The following CACNB4 variants were observed in gnomAD, a reference collection of about 807,000 sequenced individuals.
CACNB4 encodes the protein calcium voltage-gated channel auxiliary subunit beta 4.
Under a neutral mutation model 71.2 loss-of-function variants are expected in CACNB4, and 32 were observed. The ratio of observed to expected loss-of-function variants is 0.45; its 90% CI spans 0.34 to 0.60. The LOEUF (loss-of-function observed/expected upper bound fraction) is 0.60, where lower values mean the gene tolerates loss of function less well. Ranked by LOEUF, CACNB4 falls within the 20% of genes least tolerant of loss-of-function variation. CACNB4 has a pLI of 0.01. For synonymous variants in CACNB4, 231 were observed against 236.9 expected, an observed-to-expected ratio of 0.97 and a Z score of 0.23; for missense variants, 464 against 647.9, an observed-to-expected ratio of 0.72 and a Z score of 3.08.
At chr2:152,007,874 T>G (rs1682821603) in intron 2 of CACNB4, among the ~76,000 whole-genome samples, 1 of 151,870 alleles carries the variant, frequency 6.6e-6, no homozygotes, top group Non-Finnish European at 1.5e-5. Context: ...CGGGTTCAAG[T>G]GGTTCTGCTG....
intron 2 of CACNB4, among the ~76,000 whole-genome samples, chr2:151,895,643 A>G (rs2099851867): frequency 1.3e-5 from 2 of 152,120 alleles, no homozygotes; most frequent in African/African-American, 4.8e-5. Context: ...ATACCTATAT[A>G]TATTTGTACA....
chr2:151,852,646 A>G (rs1433048084), intron 12 of CACNB4: 1 of 152,260 alleles, frequency 6.6e-6, no homozygotes, highest in Non-Finnish European at 1.5e-5. Context: ...CTGGCTCCAG[A>G]GTCTGTGCTT....
In CACNB4 at chr2:151,954,164, A is replaced by G. The variant is rs115883611; in HGVS notation, c.148-70794T>C. Among the ~76,000 whole-genome samples, 613 of 152,278 alleles carry G rather than the reference A, an allele frequency of 4.0e-3. 8 individuals are homozygous for G. The highest frequency in any genetic ancestry group is 0.014 in the African/African-American group (589 of 41,544). On this transcript the variant is annotated intron_variant, in intron 2 of 13. Coordinates refer to ENST00000539935, the MANE Select transcript of CACNB4 (RefSeq NM_000726.5). ...GAAGCAACAACCGCAGCTTCACTAT[A>G]ATGTACACTCTGCCTCTCCAACCTT... is the stretch of plus-strand genomic sequence containing the variant.
At chr2:151,899,809 T>C (rs1368362255) in intron 2 of CACNB4, among the ~76,000 whole-genome samples, 1 of 152,154 alleles carries the variant, frequency 6.6e-6, no homozygotes, top group Non-Finnish European at 1.5e-5. Context: ...AAAATTAGTA[T>C]GTATGAGGCC....
chr2:152,044,371 T>C (rs2709769), intron 2 of CACNB4, among the ~76,000 whole-genome samples: 107,572 of 151,954 alleles, frequency 0.71, 38,299 homozygotes, highest in East Asian at 0.86. Context: ...CAGGTGCGCA[T>C]CACCATGCAT....
chr2:151,851,947 T>C (rs2099839161), intron 12 of CACNB4: 1 of 152,206 alleles, frequency 6.6e-6, no homozygotes. Flanking sequence ...GCCTTAATCA[T>C]ACATTCCACT....
At position 151,864,066 on chromosome 2, in the gene CACNB4, A is replaced by T. The variant is rs533361804; in HGVS notation, c.759-3246T>A. On this transcript the variant is annotated intron_variant, in intron 9 of 13. Transcript: ENST00000539935. Reference sequence around the variant, plus strand: ...CTATCTAGCTTATATACTTTTTTTAACTTAAAGTGGTATCCTTTCTACTTC... The same window carrying T: ...CTATCTAGCTTATATACTTTTTTTATCTTAAAGTGGTATCCTTTCTACTTC... 3.3e-5 allele frequency among the ~76,000 whole-genome samples: 5 copies of T among 152,276 alleles called. No individual in the cohort carries two copies. In the East Asian group the frequency reaches 9.6e-4, roughly 29 times the overall value.
intron 2 of CACNB4, among the ~76,000 whole-genome samples, chr2:151,948,840 C>T (rs1280270388): frequency 1.3e-5 from 2 of 152,148 alleles, no homozygotes; most frequent in Non-Finnish European, 2.9e-5. Context: ...AAGCCCTCCA[C>T]TTCTCCAGCT....
At chr2:151,903,904 T>G (rs1425999828) in intron 2 of CACNB4, among the ~76,000 whole-genome samples, 1 of 152,132 alleles carries the variant, frequency 6.6e-6, no homozygotes, top group African/African-American at 2.4e-5. Context: ...CAAGGGCAGG[T>G]AGTGTATCTT....
chr2:151,993,382 G>A (rs1226390004), intron 2 of CACNB4, among the ~76,000 whole-genome samples: 2 of 152,112 alleles, frequency 1.3e-5, no homozygotes, highest in Non-Finnish European at 2.9e-5. Flanking sequence ...GCCAATGAAA[G>A]TGGAACTGGA....
intron 2 of CACNB4, among the ~76,000 whole-genome samples, chr2:151,921,131 C>T (rs1284917820): frequency 1.4e-5 from 2 of 145,052 alleles, no homozygotes; most frequent in African/African-American, 5.3e-5. Flanking sequence ...AGCAAGACTC[C>T]GTCTCAAAAA....
intron 2 of CACNB4, among the ~76,000 whole-genome samples, chr2:152,073,722 T>C (rs562062133): frequency 1.3e-5 from 2 of 152,328 alleles, no homozygotes; most frequent in South Asian, 4.1e-4. Flanking sequence ...GCTTTCACTC[T>C]TAAAAGAAAG....
chr2:152,010,666 C>T (rs1354788733), intron 2 of CACNB4, among the ~76,000 whole-genome samples: 1 of 152,188 alleles, frequency 6.6e-6, no homozygotes, highest in Non-Finnish European at 1.5e-5. Flanking sequence ...GTGCATGGGT[C>T]ACTCTGCTAG....
chr2:152,042,881 C>A (rs7582644), intron 2 of CACNB4, among the ~76,000 whole-genome samples: 1 of 151,872 alleles, frequency 6.6e-6, no homozygotes, highest in South Asian at 2.1e-4. Flanking sequence ...GATAAAACAG[C>A]ATGCAGTAAC....
intron 2 of CACNB4, among the ~76,000 whole-genome samples, chr2:151,958,763 T>C (rs780901401): frequency 5.9e-5 from 9 of 152,164 alleles, no homozygotes; most frequent in Non-Finnish European, 1.2e-4. Flanking sequence ...GAATTCTTCC[T>C]CTCCTCAAAT....
intron 3 of CACNB4, among the ~76,000 whole-genome samples, chr2:151,881,200 G>A (rs554751321): frequency 1.1e-4 from 17 of 152,182 alleles, no homozygotes; most frequent in South Asian, 4.1e-4. Flanking sequence ...CAAAGGCAGG[G>A]GAGGACAGTC....
Position 151,838,118 on chromosome 2 carries a change from T to G in CACNB4, c.*1001A>C, listed in dbSNP as rs574212222. 5 of 152,482 alleles carry G rather than the reference T, an allele frequency of 3.3e-5. No individual in the cohort carries two copies. Among genetic ancestry groups the G allele is most frequent in the Admixed American group, 3.3e-4 (5 of 15,290 alleles). The allele number at this position is 152,482 out of a possible 1,614,324, so 9.4% of individuals were successfully genotyped here. ...GGAAATACAGACCCTGCGTTTGTGTTAAGTGAAATAGATGAATTCCCACCT... is the reference window on the plus strand; with the variant it reads ...GGAAATACAGACCCTGCGTTTGTGTGAAGTGAAATAGATGAATTCCCACCT... On this transcript the variant is annotated 3_prime_UTR_variant, in exon 14 of 14. Transcript: ENST00000539935.
chr2:151,990,542 G>A (rs1681647849), intron 2 of CACNB4, among the ~76,000 whole-genome samples: 1 of 152,176 alleles, frequency 6.6e-6, no homozygotes, highest in Admixed American at 6.5e-5. Context: ...CAGGGACCGG[G>A]TCTTGTGCAC....
intron 2 of CACNB4, among the ~76,000 whole-genome samples, chr2:152,016,618 T>C (rs950911086): frequency 1.3e-5 from 2 of 152,244 alleles, no homozygotes; most frequent in Admixed American, 6.5e-5. Flanking sequence ...AGGAGCAATG[T>C]TGACATGACC....
Sources: allele counts gnomAD v4.1 joint callset (sites outside exome capture counted in the v4.1 genomes callset), GRCh38; gene constraint gnomAD v4.1.1; transcripts MANE v1.5; gene names NCBI Gene and HGNC (gene_info 2026-07-23, HGNC 2026-07-21).